The following CIAO3 variants were observed in gnomAD, a reference collection of about 807,000 sequenced individuals.
CIAO3 encodes LET1 like/JFP15.
A neutral mutation model predicts 51.5 loss-of-function variants in CIAO3; 45 were observed. The ratio of observed to expected loss-of-function variants is 0.87; its 90% CI spans 0.69 to 1.12. The LOEUF is 1.12. Ranked by LOEUF, CIAO3 falls within the 50% of genes most tolerant of loss-of-function variation. The pLI, the probability that CIAO3 is intolerant of heterozygous loss-of-function variation, is 0.00. For synonymous variants in CIAO3, 314 were observed against 269.3 expected, an observed-to-expected ratio of 1.17 and a Z score of -1.63; for missense variants, 668 against 632.5, an observed-to-expected ratio of 1.06 and a Z score of -0.60.
chr16:740,808 C>G, intron 1 of CIAO3, 112 bp downstream of exon 1: 1 of 1,172,316 alleles, frequency 8.5e-7, no homozygotes, highest in East Asian at 2.9e-5. Context: ...AGACCGGGCT[C>G]CCGGGATTCG....
At chr16:734,535 C>A in intron 5 of CIAO3, 188 bp from the exon 6 acceptor site, 1 of 999,300 alleles carries the variant, frequency 1.0e-6, no homozygotes. Context: ...GCCTAGGGAC[C>A]TGAGGTGACT....
intron 9 of CIAO3, 93 bp downstream of exon 9, chr16:731,472 C>T: frequency 7.0e-7 from 1 of 1,432,180 alleles, no homozygotes; most frequent in Non-Finnish European, 9.2e-7. Context: ...ACCCAGCCCA[C>T]CTCTGTGGGA....
At chr16:736,444 T>G (rs57510736) in intron 3 of CIAO3, 46 bp from the exon 4 acceptor site, 30,916 of 1,608,246 alleles carry the variant, frequency 0.019, 534 homozygotes, top group South Asian at 0.071. Flanking sequence ...GGCCTTATGC[T>G]GATTCCTGGT....
chr16:738,289 A>G, intron 2 of CIAO3: 2 of 986,066 alleles, frequency 2.0e-6, no homozygotes, highest in Non-Finnish European at 2.4e-6. Flanking sequence ...GCAGTGGTTC[A>G]TGAGATCAGG....
In CIAO3 at chr16:730,269, C is replaced by T. The variant is rs1041237010; in HGVS notation, c.*148G>A. 6 of 769,912 alleles carry T rather than the reference C, an allele frequency of 7.8e-6. No homozygotes were observed. Among genetic ancestry groups the T allele is most frequent in the Non-Finnish European group, 1.0e-5 (5 of 481,358 alleles). The allele number at this position is 769,912 out of a possible 1,614,324, so 47.7% of individuals were successfully genotyped here. A position where few individuals can be genotyped will look rare whatever the true frequency, so the allele number is the denominator to read the frequency against. On this transcript the variant is annotated 3_prime_UTR_variant, in exon 11 of 11. Coordinates refer to ENST00000251588, the MANE Select transcript of CIAO3 (RefSeq NM_022493.3). ...CCAACTGGAGGTGACGAGGCGGCTG[C>T]GGGTCCTGGCTAGTCCTAGCTCCTA...
rs1195409147 is a variant in CIAO3 at position 730,655 on chromosome 16, C to T, written c.1193G>A (p.Gly398Asp). Residue 398 changes from glycine (G) to aspartate (D), a missense_variant and splice_region_variant, in exon 11 of 11, where the codon GGC (glycine) becomes GAC (aspartate). By Grantham distance (94) the Gly-to-Asp change is moderately conservative (BLOSUM62 -1). Coordinates refer to ENST00000251588, the MANE Select transcript of CIAO3 (RefSeq NM_022493.3). The part of the protein sequence containing the change: ...HYVEVMACPS[G>D]CLNGGGQLQA... ...GAGCTGGCCCCCGCCGTTCAGGCAG[C>T]CTATGGGAGAGCAGACGGGACAGGG... The T allele has an allele frequency of 6.2e-7, 1 of 1,608,026 alleles. No homozygotes were observed. The highest frequency in any genetic ancestry group is 1.7e-5 in the Admixed American group (1 of 59,994).
At chr16:735,982 C>T (rs746463058) in intron 4 of CIAO3, among the ~76,000 whole-genome samples, 4 of 152,180 alleles carry the variant, frequency 2.6e-5, no homozygotes, top group Non-Finnish European at 5.9e-5. Context: ...AACAGAGCCC[C>T]GGAGAGAGTG....
Position 733,911 on chromosome 16 carries a change from G to C in CIAO3, c.693+318C>G, listed in dbSNP as rs531199089. 153 of 410,418 alleles carry C rather than the reference G, an allele frequency of 3.7e-4. 4 individuals are homozygous for C. Among genetic ancestry groups the C allele is most frequent in the South Asian group, 3.2e-3 (148 of 46,174 alleles). The allele number at this position is 410,418 out of a possible 1,614,324, so 25.4% of individuals were successfully genotyped here. ...CTTCTATCCCGCTGGGCCTCAGGTGGGGGTCGTGCTGGGCATCCTCGTGGA... is the reference window on the plus strand; with the variant it reads ...CTTCTATCCCGCTGGGCCTCAGGTGCGGGTCGTGCTGGGCATCCTCGTGGA... On this transcript the variant is annotated intron_variant, in intron 6 of 10. Coordinates refer to ENST00000251588, the MANE Select transcript of CIAO3 (RefSeq NM_022493.3).
chr16:731,384 G>A, intron 9 of CIAO3, 181 bp downstream of exon 9: 2 of 823,252 alleles, frequency 2.4e-6, no homozygotes, highest in Non-Finnish European at 3.6e-6. Flanking sequence ...GAGTGCTTAG[G>A]TGCCTTCACA....
intron 9 of CIAO3, chr16:731,335 C>T (rs2041279258): frequency 1.6e-6 from 1 of 639,108 alleles, no homozygotes; most frequent in Non-Finnish European, 2.6e-6. Context: ...CTCTCGGGCT[C>T]AGGGTCACCA....
In CIAO3 at chr16:732,188, T is replaced by C. The variant is rs150849864; in HGVS notation, c.896+113A>G. On this transcript the variant is annotated intron_variant, in intron 8 of 10. Coordinates refer to ENST00000251588, the MANE Select transcript of CIAO3 (RefSeq NM_022493.3). ...CTACTGCGCCTGGCTATCCAGCCAC[T>C]TCTGTGGACGCCAAGATGGGCTGCG... The C allele has an allele frequency of 3.1e-4, 377 of 1,197,490 alleles. No individual in the cohort carries two copies. The Middle Eastern group carries it at 5.4e-3, about 17-fold the overall frequency. The allele number at this position is 1,197,490 out of a possible 1,614,324, so 74.2% of individuals were successfully genotyped here.
chr16:732,467 A>G (rs775501047), intron 7 of CIAO3, 94 bp from the exon 8 acceptor site: 30 of 1,454,124 alleles, frequency 2.1e-5, no homozygotes, highest in Non-Finnish European at 2.8e-5. Context: ...AGCAGTCTGC[A>G]CTTTGGCCCC....
At chr16:731,269 C>T (rs1241857265) in intron 9 of CIAO3, 1 of 618,068 alleles carries the variant, frequency 1.6e-6, no homozygotes, top group Non-Finnish European at 2.8e-6. Flanking sequence ...GGCCCTCCCT[C>T]CTGGGATGTG....
At chr16:735,978 G>A (rs573495646) in intron 4 of CIAO3, among the ~76,000 whole-genome samples, 2 of 152,194 alleles carry the variant, frequency 1.3e-5, no homozygotes, top group Non-Finnish European at 2.9e-5. Flanking sequence ...ACCCAACAGA[G>A]CCCCGGAGAG....
chr16:733,994 C>G (rs1278200723), intron 6 of CIAO3: 1 of 519,482 alleles, frequency 1.9e-6, no homozygotes, highest in Non-Finnish European at 3.5e-6. Flanking sequence ...CCTGCTCCCT[C>G]AGCCTCAGGC....
intron 8 of CIAO3, 149 bp from the exon 9 acceptor site, chr16:731,851 A>G (rs2041286885): frequency 2.0e-5 from 21 of 1,064,492 alleles, no homozygotes; most frequent in South Asian, 7.5e-5. Context: ...GTCACCAGCC[A>G]TCACAGGGGC....
chr16:737,563 A>C lies in CIAO3; in HGVS notation c.163-234T>G, dbSNP rs2041352155. ...ACCACTTGGTTAGTGCATCCGAATC[A>C]CAGGACTAAGGCTTGCCACTGGTAT... On this transcript the variant is annotated intron_variant, in intron 2 of 10. Transcript: ENST00000251588. This position sits in a 1 kb window ranked among gnomAD's most constrained non-coding sequence, Gnocchi z 5.3. 1 of 1,485,210 alleles carries C rather than the reference A, an allele frequency of 6.7e-7. No individual in the cohort carries two copies. The highest frequency in any genetic ancestry group is 9.0e-7 in the Non-Finnish European group (1 of 1,115,138). The allele number at this position is 1,485,210 out of a possible 1,614,324, so 92.0% of individuals were successfully genotyped here.
At chr16:731,910 C>T in intron 8 of CIAO3, 1 of 681,240 alleles carries the variant, frequency 1.5e-6, no homozygotes. Flanking sequence ...GCTCTGTCGC[C>T]CAGGCTGGAG....
chr16:735,129 C>T (rs1384313285), intron 4 of CIAO3: 2 of 460,216 alleles, frequency 4.3e-6, no homozygotes, highest in Non-Finnish European at 7.7e-6. Flanking sequence ...CCAGAGGCAG[C>T]CACCCAGCAG....
Sources: gnomAD v4.1 joint callset for allele counts (sites outside exome capture counted in the v4.1 genomes callset) on GRCh38, gnomAD v4.1.1 for gene constraint, Gnocchi (gnomAD v3.1) non-coding constraint, MANE v1.5 for transcripts, NCBI Gene and HGNC (gene_info 2026-07-23, HGNC 2026-07-21) for gene names.